CRYL1: variants seen among roughly 807,000 people sequenced by gnomAD.
CRYL1 encodes lambda-crystallin homolog.
CRYL1 carries 29 observed loss-of-function variants against 36.6 expected under a neutral mutation model. That is an observed-to-expected ratio of 0.79 (90% CI 0.59 to 1.08). The LOEUF is 1.08. Ranked by LOEUF, CRYL1 falls within the 50% of genes least tolerant of loss-of-function variation. CRYL1 has a pLI of 0.00. For synonymous variants in CRYL1, 152 were observed against 151.5 expected (o/e 1.00, Z -0.02); for missense variants, 411 against 407.9 (o/e 1.01, Z -0.06).
rs2031918885 is a variant in CRYL1, at chr13:20,425,802, C to T, written c.633+6300G>A. Reference sequence around the variant, plus strand: ...AATTTACATTCTAATTTCAGCATAACAGTTCATAATGCAGTGGATTATGCG... The same window carrying T: ...AATTTACATTCTAATTTCAGCATAATAGTTCATAATGCAGTGGATTATGCG... On this transcript the variant is annotated intron_variant, in intron 5 of 7. Coordinates refer to ENST00000298248, the MANE Select transcript of CRYL1 (RefSeq NM_015974.3). This position sits in a 1 kb window ranked among gnomAD's most constrained non-coding sequence, Gnocchi z 4.4. 6.6e-6 allele frequency among the ~76,000 whole-genome samples: 1 copy of T among 152,166 alleles called. No individual in the cohort carries two copies. Among genetic ancestry groups the T allele is most frequent in the African/African-American group, 2.4e-5 (1 of 41,428 alleles).
intron 3 of CRYL1, among the ~76,000 whole-genome samples, chr13:20,471,489 C>A (rs2033060155): frequency 6.6e-6 from 1 of 152,112 alleles, no homozygotes; most frequent in Non-Finnish European, 1.5e-5. Context: ...CCTGTAGTCC[C>A]AGCTACTCGG....
intron 3 of CRYL1, among the ~76,000 whole-genome samples, chr13:20,473,289 C>T (rs1195802802): frequency 6.6e-6 from 1 of 152,276 alleles, no homozygotes; most frequent in African/African-American, 2.4e-5. Flanking sequence ...CCACATGCTG[C>T]TCACTGTGGC....
intron 5 of CRYL1, among the ~76,000 whole-genome samples, chr13:20,414,004 T>C (rs1316379109): frequency 6.6e-6 from 1 of 151,938 alleles, no homozygotes; most frequent in Non-Finnish European, 1.5e-5. Context: ...TGAAACCCTG[T>C]CTCTACTAAA....
chr13:20,472,735 C>G (rs1301814487), intron 3 of CRYL1, among the ~76,000 whole-genome samples: 2 of 152,224 alleles, frequency 1.3e-5, no homozygotes, highest in Non-Finnish European at 2.9e-5. Flanking sequence ...CTGGAAGAAG[C>G]TGAGGTTCGC....
intron 3 of CRYL1, among the ~76,000 whole-genome samples, 194 bp downstream of exon 3, chr13:20,489,176 C>T (rs186737672): frequency 4.7e-4 from 72 of 152,250 alleles, no homozygotes; most frequent in Middle Eastern, 3.4e-3. Context: ...AACATTGTCA[C>T]GCTAGTTTGA....
At chr13:20,423,406 G>A (rs757670701) in intron 5 of CRYL1, among the ~76,000 whole-genome samples, 11 of 152,166 alleles carry the variant, frequency 7.2e-5, no homozygotes, top group Non-Finnish European at 1.0e-4. Flanking sequence ...GGTGTGTCAC[G>A]TATGACCTTT....
intron 2 of CRYL1, among the ~76,000 whole-genome samples, chr13:20,490,339 C>T (rs2033485334): frequency 6.6e-6 from 1 of 152,152 alleles, no homozygotes; most frequent in Non-Finnish European, 1.5e-5. Flanking sequence ...TTGCAGTGAG[C>T]TATGGTAGCA....
At chr13:20,476,636 C>T (rs977368965) in intron 3 of CRYL1, among the ~76,000 whole-genome samples, 1 of 152,238 alleles carries the variant, frequency 6.6e-6, no homozygotes, top group African/African-American at 2.4e-5. Flanking sequence ...GGAAGAAAAA[C>T]ATGCAGCAGG....
At chr13:20,434,008 C>T (rs2032140421) in intron 4 of CRYL1, among the ~76,000 whole-genome samples, 1 of 152,170 alleles carries the variant, frequency 6.6e-6, no homozygotes, top group African/African-American at 2.4e-5. Context: ...CCCTGGCCCA[C>T]ATCTGCAACT....
chr13:20,406,879 T>C (rs2031391828), intron 6 of CRYL1, among the ~76,000 whole-genome samples: 1 of 151,616 alleles, frequency 6.6e-6, no homozygotes, highest in African/African-American at 2.4e-5. Context: ...CTCCCTCTCC[T>C]ACCAGAGCAG....
rs1000506722 is a variant in CRYL1, at chr13:20,417,799, G to A, written c.634-4412C>T. On this transcript the variant is annotated intron_variant, in intron 5 of 7. Coordinates refer to ENST00000298248, the MANE Select transcript of CRYL1 (RefSeq NM_015974.3). ...GGCTGAGAGGAGCCACAAGACATCC[G>A]TGAAGTAGGAGAAAATGCAAGATAG... Among the ~76,000 whole-genome samples the A allele has an allele frequency of 2.6e-5, 4 of 152,282 alleles. No homozygotes were observed. The South Asian group carries it at 6.2e-4, about 24-fold the overall frequency.
At chr13:20,421,671 TG>T (rs1464212783) in intron 5 of CRYL1, among the ~76,000 whole-genome samples, 1 of 151,658 alleles carries the variant, frequency 6.6e-6, no homozygotes, top group African/African-American at 2.4e-5. Context: ...CCCTTACCCC[TG>T]GCCTGTTAAC....
At chr13:20,520,658 C>T (rs1317988013) in intron 1 of CRYL1, among the ~76,000 whole-genome samples, 1 of 152,126 alleles carries the variant, frequency 6.6e-6, no homozygotes, top group Non-Finnish European at 1.5e-5. Flanking sequence ...GGTGTCTTTT[C>T]CCCCACCCCT....
intron 3 of CRYL1, among the ~76,000 whole-genome samples, chr13:20,483,794 G>T (rs1303892749): frequency 3.3e-5 from 5 of 151,822 alleles, no homozygotes; most frequent in Non-Finnish European, 5.9e-5. Flanking sequence ...ACCCGCTGTG[G>T]CCTCCCCATG....
intron 3 of CRYL1, among the ~76,000 whole-genome samples, chr13:20,483,115 G>A (rs1370904488): frequency 1.3e-5 from 2 of 152,030 alleles, no homozygotes; most frequent in Non-Finnish European, 2.9e-5. Context: ...AAGGAGCAAG[G>A]TCTAGCATTC....
intron 5 of CRYL1, among the ~76,000 whole-genome samples, chr13:20,427,604 A>G (rs1250086179): frequency 6.8e-6 from 1 of 146,158 alleles, no homozygotes; most frequent in Non-Finnish European, 1.5e-5. Context: ...CCTCCCTGCC[A>G]CCCCCGCCCC....
At chr13:20,494,951 A>T (rs981611403) in intron 2 of CRYL1, among the ~76,000 whole-genome samples, 5 of 152,224 alleles carry the variant, frequency 3.3e-5, no homozygotes, top group Admixed American at 3.3e-4. Flanking sequence ...GCCAACTGCA[A>T]ACTCCAGGAC....
intron 5 of CRYL1, chr13:20,430,551 C>G: frequency 1.0e-6 from 1 of 985,398 alleles, no homozygotes; most frequent in Non-Finnish European, 1.2e-6. Flanking sequence ...CAACTCACCC[C>G]TCCGCCTGCC....
intron 2 of CRYL1, among the ~76,000 whole-genome samples, chr13:20,501,906 T>C (rs973589698): frequency 3.9e-5 from 6 of 152,172 alleles, no homozygotes; most frequent in African/African-American, 7.2e-5. Flanking sequence ...CAAAAATCTT[T>C]AATTAAGTTA....
Sources: gnomAD v4.1 joint callset for allele counts (sites outside exome capture counted in the v4.1 genomes callset) on GRCh38, gnomAD v4.1.1 for gene constraint, Gnocchi (gnomAD v3.1) non-coding constraint, MANE v1.5 for transcripts, NCBI Gene and HGNC (gene_info 2026-07-23, HGNC 2026-07-21) for gene names.